The following HUWE1 variants were observed in gnomAD, a reference collection of about 807,000 sequenced individuals.
HUWE1 encodes the protein E3 ubiquitin-protein ligase HUWE1.
A neutral mutation model predicts 299.4 loss-of-function variants in HUWE1; 18 were observed. That is an observed-to-expected ratio of 0.06 (90% CI 0.04 to 0.09). The LOEUF (loss-of-function observed/expected upper bound fraction) is 0.09, where lower values mean the gene tolerates loss of function less well. Among genes scored for constraint, HUWE1 ranks in the 10% least tolerant of loss-of-function variants. HUWE1 has a pLI of 1.00. For synonymous variants in HUWE1, 1,317 were observed against 1,286.1 expected, an observed-to-expected ratio of 1.02 and a Z score of -0.51; for missense variants, 1,832 against 3,462.3, an observed-to-expected ratio of 0.53 and a Z score of 11.82.
intron 3 of HUWE1, among the ~76,000 whole-genome samples, chrX:53,673,760 T>C (rs1049113732): frequency 8.9e-6 from 1 of 111,733 alleles, no homozygotes; most frequent in Non-Finnish European, 1.9e-5. Context: ...CAAAAATAAA[T>C]GTTAAAAATG....
chrX:53,535,194 C>G (rs1194340257), intron 81 of HUWE1, among the ~76,000 whole-genome samples, 190 bp downstream of exon 81: 1 of 112,107 alleles, frequency 8.9e-6, no homozygotes, highest in Non-Finnish European at 1.9e-5. Flanking sequence ...CTTGGCCTCC[C>G]AAAGTGCTGG....
At chrX:53,579,325 G>A (rs1361211341) in intron 43 of HUWE1, among the ~76,000 whole-genome samples, 42 of 95,449 alleles carry the variant, frequency 4.4e-4, no homozygotes, top group Middle Eastern at 6.3e-3. Flanking sequence ...GAGGGTGGTG[G>A]GGGGGTCAGC....
At chrX:53,660,135 G>A (rs1311612595) in intron 3 of HUWE1, among the ~76,000 whole-genome samples, 2 of 111,758 alleles carry the variant, frequency 1.8e-5, no homozygotes, top group Admixed American at 9.5e-5. Context: ...AGAGCTCCAC[G>A]TGCAGAAAAC....
intron 43 of HUWE1, 77 bp from the exon 44 acceptor site, chrX:53,577,144 G>A: frequency 1.3e-6 from 1 of 758,868 alleles, no homozygotes; most frequent in South Asian, 2.1e-5. Context: ...AGACTCAGAA[G>A]GGGGCATGTA....
In HUWE1 at chrX:53,535,510, A is replaced by G. The variant is rs1556911792; in HGVS notation, c.12532-9T>C. ...ACTCCAAACTCTTGGACCTAGAACA[A>G]CCAAAACACCAATCATACATATCAG... is the stretch of plus-strand genomic sequence containing the variant. On this transcript the variant is annotated splice_polypyrimidine_tract_variant and intron_variant, in intron 80 of 83. Transcript: ENST00000262854. The G allele has an allele frequency of 3.8e-6, 4 of 1,061,518 alleles. No homozygotes were observed. The highest frequency in any genetic ancestry group is 5.3e-6 in the Non-Finnish European group (4 of 761,402). The allele number at this position is 1,061,518 out of a possible 1,213,427, so 87.5% of individuals were successfully genotyped here. A position where few individuals can be genotyped will look rare whatever the true frequency, so the allele number is the denominator to read the frequency against.
At chrX:53,594,425 C>T in intron 31 of HUWE1, 74 bp downstream of exon 31, 1 of 1,081,734 alleles carries the variant, frequency 9.2e-7, no homozygotes. Flanking sequence ...TACTTAAAAG[C>T]AGTGGGCTGG....
In HUWE1 at chrX:53,552,690, C is replaced by T; in HGVS notation, c.8698G>A (p.Val2900Met). 3.3e-6 allele frequency: 4 copies of T among 1,212,132 alleles called. No homozygotes were observed. The highest frequency in any genetic ancestry group is 4.5e-6 in the Non-Finnish European group (4 of 895,611). The change falls in exon 62 of 84, where the codon GTG becomes ATG. Residue 2900 changes from valine (V) to methionine (M), a missense_variant. By Grantham distance (21) the Val-to-Met change is conservative. This residue lies in a region of HUWE1 where 143 missense variants were observed against 148.1 expected (regional missense o/e 0.97). Coordinates refer to ENST00000262854, the MANE Select transcript of HUWE1 (RefSeq NM_031407.7). ...PGDAPPAVAEVQGRSDGSGES... is the reference protein window; with the variant it reads ...PGDAPPAVAEMQGRSDGSGES... ...CCTGACCCATCACTCCTGCCTTGCA[C>T]TTCCGCCACAGCTGGTGGGGCATCC... is the stretch of plus-strand genomic sequence containing the variant.
chrX:53,633,562 G>GC (rs1468425816), intron 8 of HUWE1, among the ~76,000 whole-genome samples: 1 of 112,001 alleles, frequency 8.9e-6, no homozygotes, highest in Non-Finnish European at 1.9e-5. Flanking sequence ...TTCTCTTTAG[G>GC]AAAAAAAGGC....
chrX:53,555,935 G>A (rs868918280), intron 60 of HUWE1, among the ~76,000 whole-genome samples: 12 of 111,964 alleles, frequency 1.1e-4, no homozygotes, highest in Admixed American at 1.0e-3. Context: ...GAACCACTGC[G>A]CCTGGCCCAA....
intron 19 of HUWE1, among the ~76,000 whole-genome samples, chrX:53,620,272 T>TC (rs2066060449): frequency 9.2e-6 from 1 of 108,618 alleles, no homozygotes; most frequent in Non-Finnish European, 1.9e-5. Flanking sequence ...TTTTTTTTTT[T>TC]TGAGACAAGG....
Position 53,616,986 on chromosome X carries a change from TCTC to T in HUWE1, c.1938_1940del (p.Arg647del). 8.3e-7 allele frequency: 1 copy of T among 1,209,466 alleles called. No homozygotes were observed. The highest frequency in any genetic ancestry group is 1.1e-6 in the Non-Finnish European group (1 of 893,771). On this transcript the variant is annotated inframe_deletion, in exon 21 of 84. Transcript: ENST00000262854. The stretch of plus-strand genomic sequence containing the variant: ...ACAACTTACCAAGGGGATCAGAACT[TCTC>T]CTCCTCCGCATGGCTGGGAGGTAAT...
chrX:53,595,517 T>C (rs2064408573), intron 29 of HUWE1, 114 bp from the exon 30 acceptor site: 1 of 598,447 alleles, frequency 1.7e-6, no homozygotes, highest in Admixed American at 2.7e-5. Flanking sequence ...CTACAACCCC[T>C]AGTTAACACT....
chrX:53,675,926 T>C (rs138634398), intron 3 of HUWE1, among the ~76,000 whole-genome samples: 1 of 111,219 alleles, frequency 9.0e-6, no homozygotes, highest in Non-Finnish European at 1.9e-5. Flanking sequence ...ACCAATGTAA[T>C]ACACATTACA....
chrX:53,534,239 T>C, intron 82 of HUWE1, 42 bp from the exon 83 acceptor site: 1 of 1,105,620 alleles, frequency 9.0e-7, no homozygotes, highest in Non-Finnish European at 1.2e-6. Context: ...GGTAGAAAGC[T>C]CCTAGAAGCA....
chrX:53,571,657 C>T (rs1246882994), intron 47 of HUWE1, among the ~76,000 whole-genome samples: 1 of 111,637 alleles, frequency 9.0e-6, no homozygotes, highest in African/African-American at 3.3e-5. Context: ...ATTTTAAAAA[C>T]TCAATAGGAA....
intron 3 of HUWE1, among the ~76,000 whole-genome samples, chrX:53,663,341 C>T (rs973467617): frequency 2.7e-5 from 3 of 112,017 alleles, no homozygotes; most frequent in African/African-American, 9.7e-5. Flanking sequence ...GGTGAAACCC[C>T]GTCTCTACTA....
intron 83 of HUWE1, chrX:53,533,662 A>C (rs2060866713): frequency 2.3e-6 from 1 of 440,897 alleles, no homozygotes; most frequent in African/African-American, 2.4e-5. Flanking sequence ...CCCATAGGCT[A>C]AAGTGCAAAC....
At chrX:53,633,426 G>A (rs2067001708) in intron 8 of HUWE1, among the ~76,000 whole-genome samples, 1 of 112,211 alleles carries the variant, frequency 8.9e-6, no homozygotes, top group Admixed American at 9.4e-5. Flanking sequence ...TTATTAAACA[G>A]ACAACACTCA....
chrX:53,634,538 G>T (rs782564275), intron 7 of HUWE1, among the ~76,000 whole-genome samples: 1 of 112,255 alleles, frequency 8.9e-6, no homozygotes, highest in Non-Finnish European at 1.9e-5. Flanking sequence ...AAGGCAAGAT[G>T]GTCTGCCTAA....
Sources: allele counts gnomAD v4.1 joint callset (sites outside exome capture counted in the v4.1 genomes callset), GRCh38; gene constraint gnomAD v4.1.1; regional missense constraint gnomAD v4.1.1; transcripts MANE v1.5; gene names NCBI Gene and HGNC (gene_info 2026-07-23, HGNC 2026-07-21).